Variants in PI4K2A observed in about 807,000 individuals in gnomAD.
PI4K2A encodes the protein phosphatidylinositol 4-kinase type 2 alpha.
In PI4K2A, 20 loss-of-function variants were observed where a neutral mutation model predicts 55.0. The ratio of observed to expected loss-of-function variants is 0.36; its 90% confidence interval spans 0.26 to 0.53. The LOEUF is 0.53. PI4K2A is among the 20% of genes least tolerant of loss of function. The pLI is 0.91. For synonymous variants in PI4K2A, 235 were observed against 258.5 expected (o/e 0.91, Z 0.87); for missense variants, 463 against 637.1 (o/e 0.73, Z 2.94).
intron 2 of PI4K2A, among the ~76,000 whole-genome samples, chr10:97,655,091 C>T (rs143970362): frequency 4.3e-4 from 66 of 152,080 alleles, no homozygotes; most frequent in South Asian, 2.1e-4. Flanking sequence ...CAAAAGGGCC[C>T]GGGCACAGTG....
intron 4 of PI4K2A, among the ~76,000 whole-genome samples, chr10:97,660,318 C>T (rs1338220528): frequency 5.4e-5 from 6 of 111,196 alleles, no homozygotes; most frequent in African/African-American, 1.1e-4. Flanking sequence ...TTTTTTGAGA[C>T]GGAGTCTCAC....
chr10:97,643,906 C>T (rs981373925), intron 1 of PI4K2A, among the ~76,000 whole-genome samples: 6 of 152,150 alleles, frequency 3.9e-5, no homozygotes, highest in South Asian at 2.1e-4. Flanking sequence ...TTATTATCCC[C>T]GCAGGTGACA....
intron 4 of PI4K2A, among the ~76,000 whole-genome samples, chr10:97,658,792 A>G (rs1219565291): frequency 6.6e-6 from 1 of 152,132 alleles, no homozygotes; most frequent in Admixed American, 6.5e-5. Flanking sequence ...GTAAGATGTT[A>G]TCTTATAGTT....
chr10:97,647,055 A>T (rs1387965472), intron 1 of PI4K2A, among the ~76,000 whole-genome samples: 2 of 151,792 alleles, frequency 1.3e-5, no homozygotes, highest in African/African-American at 4.8e-5. Context: ...TGCTGGGATT[A>T]TAAGTGTGAG....
rs540621847 is a variant in PI4K2A at position 97,673,516 on chromosome 10, C to T, written c.1279-65C>T. On this transcript the variant is annotated intron_variant, in intron 8 of 8. Coordinates refer to ENST00000370631, the Ensembl canonical transcript of PI4K2A. ...TTGTAGGCGTCCTCTCTACTGATCT[C>T]CTTTCAGAGGCAGATCTGGAATGCT... 54 of 1,414,344 alleles carry T rather than the reference C, an allele frequency of 3.8e-5. No individual in the cohort carries two copies. The African/African-American group carries it at 7.1e-4, about 19-fold the overall frequency. The allele number at this position is 1,414,344 out of a possible 1,614,324, so 87.6% of individuals were successfully genotyped here.
At chr10:97,672,632 T>C (rs1186938603) in intron 8 of PI4K2A, among the ~76,000 whole-genome samples, 4 of 151,626 alleles carry the variant, frequency 2.6e-5, no homozygotes, top group Non-Finnish European at 5.9e-5. Flanking sequence ...TTCACTGTTA[T>C]AAACAATATT....
At chr10:97,657,370 A>G (rs984818272) in intron 4 of PI4K2A, among the ~76,000 whole-genome samples, 1 of 152,148 alleles carries the variant, frequency 6.6e-6, no homozygotes, top group African/African-American at 2.4e-5. Flanking sequence ...ATTGAGGACA[A>G]AAGTCTTTAA....
intron 8 of PI4K2A, among the ~76,000 whole-genome samples, chr10:97,669,585 T>C (rs1175367812): frequency 6.6e-6 from 1 of 152,216 alleles, no homozygotes; most frequent in Non-Finnish European, 1.5e-5. Flanking sequence ...ATCCAGCTCC[T>C]TCCAACATGT....
intron 1 of PI4K2A, among the ~76,000 whole-genome samples, chr10:97,647,922 T>TTTG (rs965143612): frequency 1.3e-5 from 2 of 150,918 alleles, no homozygotes; most frequent in South Asian, 2.1e-4. Context: ...TTGCTTTTTT[T>TTTG]TTGTTGTTGT....
chr10:97,640,784 A>C (rs770574861), exon 1 of PI4K2A: 1 of 1,492,812 alleles, frequency 6.7e-7, no homozygotes. Flanking sequence ...AGCGGGCCCA[A>C]CCCCCGGACT....
intron 4 of PI4K2A, among the ~76,000 whole-genome samples, chr10:97,661,280 C>T (rs899157294): frequency 4.6e-5 from 7 of 151,930 alleles, no homozygotes; most frequent in Non-Finnish European, 1.0e-4. Flanking sequence ...AGTGAGCCAC[C>T]GCGCCCGGCC....
Position 97,650,926 on chromosome 10 carries a change from C to T in PI4K2A, c.436-15C>T, listed in dbSNP as rs367725219. 2 of 1,591,094 alleles carry T rather than the reference C, an allele frequency of 1.3e-6. No homozygotes were observed. Among genetic ancestry groups the T allele is most frequent in the Admixed American group, 1.7e-5 (1 of 57,804 alleles). Reference sequence around the variant, plus strand: ...AACTCGGATTTAACATCCTCTTTTTCTTTGGTCTCTGTAGAGGATCATTGC... The same window carrying T: ...AACTCGGATTTAACATCCTCTTTTTTTTTGGTCTCTGTAGAGGATCATTGC... On this transcript the variant is annotated splice_polypyrimidine_tract_variant and intron_variant, in intron 1 of 8. Transcript: ENST00000370631.
chr10:97,667,182 G>T, intron 8 of PI4K2A, 62 bp downstream of exon 8: 1 of 1,252,596 alleles, frequency 8.0e-7, no homozygotes, highest in Non-Finnish European at 1.2e-6. Context: ...TGCTCAGGTT[G>T]AGCAAATGTT....
chr10:97,644,041 GAGTC>G (rs1387327336), intron 1 of PI4K2A, among the ~76,000 whole-genome samples: 1 of 152,156 alleles, frequency 6.6e-6, no homozygotes, highest in Non-Finnish European at 1.5e-5. Context: ...TGCTCCCTCA[GAGTC>G]AGTCATCAGA....
In PI4K2A at chr10:97,656,582, AC is replaced by A. The variant is rs879387328; in HGVS notation, c.768+168del. On this transcript the variant is annotated intron_variant, in intron 3 of 8. Transcript: ENST00000370631. This position sits in a 1 kb window ranked among gnomAD's most constrained non-coding sequence, Gnocchi z 4.5. ...AGTGGCTAAGGTTTGAAAAGTTGAG[AC>A]CTAACTTTTCACTTTACTCCTCTGG... 9.9e-5 allele frequency among the ~76,000 whole-genome samples: 15 copies of A among 152,068 alleles called. No homozygotes were observed. The highest frequency in any genetic ancestry group is 1.9e-4 in the Non-Finnish European group (13 of 68,016).
At chr10:97,664,408 C>T (rs2041600614) in intron 5 of PI4K2A, among the ~76,000 whole-genome samples, 1 of 152,220 alleles carries the variant, frequency 6.6e-6, no homozygotes, top group Non-Finnish European at 1.5e-5. Context: ...CTCCCTTGTG[C>T]AAGAGCAGCC....
chr10:97,644,616 A>G lies in PI4K2A; in HGVS notation c.435+3439A>G, dbSNP rs542333098. Among the ~76,000 whole-genome samples, 3 of 152,286 alleles carry G rather than the reference A, an allele frequency of 2.0e-5. No individual in the cohort carries two copies. The East Asian group carries it at 5.8e-4, about 29-fold the overall frequency. ...GATATGGCTTCTACTACATGGTCCAAGATGGCCGCTCAAGCTGCAAACATC... is the reference window on the plus strand; with the variant it reads ...GATATGGCTTCTACTACATGGTCCAGGATGGCCGCTCAAGCTGCAAACATC... On this transcript the variant is annotated intron_variant, in intron 1 of 8. Transcript: ENST00000370631.
At chr10:97,676,163 C>CTAT (rs1308301108) in exon 9 of PI4K2A, 1 of 152,122 alleles carries the variant, frequency 6.6e-6, no homozygotes, top group Non-Finnish European at 1.5e-5. Context: ...GCTCCTGGGG[C>CTAT]TATTTCTCCC....
At chr10:97,653,457 C>T (rs974482324) in intron 2 of PI4K2A, among the ~76,000 whole-genome samples, 1 of 152,236 alleles carries the variant, frequency 6.6e-6, no homozygotes, top group East Asian at 1.9e-4. Flanking sequence ...CCAGGCACAA[C>T]GTAAACCCTC....
Sources: allele counts gnomAD v4.1 joint callset (sites outside exome capture counted in the v4.1 genomes callset), GRCh38; gene constraint gnomAD v4.1.1; non-coding constraint Gnocchi (gnomAD v3.1); transcripts MANE v1.5; gene names NCBI Gene and HGNC (gene_info 2026-07-23, HGNC 2026-07-21).